CDH13: variants seen among roughly 807,000 people sequenced by gnomAD.
CDH13 encodes cadherin 13, also known as cadherin-13.
A neutral mutation model predicts 63.8 loss-of-function variants in CDH13; 24 were observed. The observed-to-expected ratio is 0.38, with a 90% CI of 0.27 to 0.53. The LOEUF is 0.53. CDH13 is among the 20% of genes least tolerant of loss of function. The probability of loss-of-function intolerance (pLI) is 0.85; values close to 1 mark genes in which losing one functional copy is unlikely to be tolerated. For synonymous variants in CDH13, 503 were observed against 355.3 expected (o/e 1.42, Z -4.67); for missense variants, 1,049 against 903.1 (o/e 1.16, Z -2.07).
chr16:82,930,931 A>C (rs186408879), intron 2 of CDH13, among the ~76,000 whole-genome samples: 1 of 152,156 alleles, frequency 6.6e-6, no homozygotes. Context: ...GCAGACTCTA[A>C]TGTTCGACTT....
intron 1 of CDH13, among the ~76,000 whole-genome samples, chr16:82,817,652 A>T (rs1473831999): frequency 6.6e-6 from 1 of 152,092 alleles, no homozygotes; most frequent in Non-Finnish European, 1.5e-5. Context: ...AAAAATACAA[A>T]AAAACAGCCA....
rs1393893932 is a variant in CDH13, at chr16:83,797,743, C to G, written c.*2713C>G. Reference sequence around the variant, plus strand: ...GACCAGAAATTGCTTTTCCCAATTACTGAGCACAGGTCTGAGGGTTTTATT... The same window carrying G: ...GACCAGAAATTGCTTTTCCCAATTAGTGAGCACAGGTCTGAGGGTTTTATT... On this transcript the variant is annotated 3_prime_UTR_variant, in exon 14 of 14. Coordinates refer to ENST00000567109, the MANE Select transcript of CDH13 (RefSeq NM_001257.5). 1 of 152,198 alleles carries G rather than the reference C, an allele frequency of 6.6e-6. No individual in the cohort carries two copies. Among genetic ancestry groups the G allele is most frequent in the Non-Finnish European group, 1.5e-5 (1 of 68,040 alleles). The allele number at this position is 152,198 out of a possible 1,614,324, so 9.4% of individuals were successfully genotyped here. A position where few individuals can be genotyped will look rare whatever the true frequency, so the allele number is the denominator to read the frequency against.
At chr16:82,896,453 C>T (rs764668701) in intron 2 of CDH13, among the ~76,000 whole-genome samples, 9 of 151,680 alleles carry the variant, frequency 5.9e-5, no homozygotes, top group African/African-American at 2.2e-4. Flanking sequence ...CCCACTATGC[C>T]TGGGTAATTT....
At chr16:83,051,137 A>G (rs1262929684) in intron 3 of CDH13, among the ~76,000 whole-genome samples, 1 of 152,198 alleles carries the variant, frequency 6.6e-6, no homozygotes, top group Non-Finnish European at 1.5e-5. Context: ...CTGTGATCAT[A>G]TCATGCCCTC....
Position 83,337,621 on chromosome 16 carries a change from A to ATTTTTTTTTTTTT in CDH13, c.637-7224_637-7212dup, listed in dbSNP as rs66957563. ...ATTTGAGAATTAAATTGACAAGCGT[A>ATTTTTTTTTTTTT]TTTTTTTTTTTTTTTTTTTTTTTTT... On this transcript the variant is annotated intron_variant, in intron 5 of 13. Transcript: ENST00000567109. Among the ~76,000 whole-genome samples, 20 of 52,282 alleles carry ATTTTTTTTTTTTT rather than the reference A, an allele frequency of 3.8e-4. 3 individuals are homozygous for ATTTTTTTTTTTTT. The highest frequency in any genetic ancestry group is 9.0e-4 in the African/African-American group (11 of 12,166). The allele number at this position is 52,282 out of a possible 152,430, so 34.3% of individuals were successfully genotyped here.
At chr16:82,903,409 A>G (rs1368978156) in intron 2 of CDH13, among the ~76,000 whole-genome samples, 3 of 152,182 alleles carry the variant, frequency 2.0e-5, no homozygotes, top group Non-Finnish European at 2.9e-5. Flanking sequence ...GCCTACCCGC[A>G]GTGGACTTGC....
At chr16:82,653,916 A>G (rs181024466) in intron 1 of CDH13, among the ~76,000 whole-genome samples, 76 of 152,246 alleles carry the variant, frequency 5.0e-4, no homozygotes, top group Non-Finnish European at 2.8e-4. Context: ...TACCACAGAG[A>G]TCATGAGATA....
chr16:83,636,026 A>T (rs1402204955), intron 8 of CDH13, among the ~76,000 whole-genome samples: 1 of 151,978 alleles, frequency 6.6e-6, no homozygotes. Context: ...CTGCCAGTGG[A>T]CACACAGTTG....
At chr16:83,239,113 C>CCCCT in intron 5 of CDH13, among the ~76,000 whole-genome samples, 1 of 152,170 alleles carries the variant, frequency 6.6e-6, no homozygotes, top group Non-Finnish European at 1.5e-5. Flanking sequence ...CTAAATATAG[C>CCCCT]GCCTGTCTTG....
rs1008609365 is a variant in CDH13 at position 83,070,966 on chromosome 16, C to T, written c.366+38748C>T. Among the ~76,000 whole-genome samples, 4 of 151,002 alleles carry T rather than the reference C, an allele frequency of 2.6e-5. 1 individual carries two copies. In the East Asian group the frequency reaches 7.9e-4, roughly 30 times the overall value. On this transcript the variant is annotated intron_variant, in intron 3 of 13. Transcript: ENST00000567109. ...AGTTATGCTTCACGCAGTCATGCCA[C>T]ATGAGGTCATGATAGCACCGTCTTA...
intron 3 of CDH13, among the ~76,000 whole-genome samples, chr16:83,069,159 T>G (rs1009305623): frequency 2.6e-5 from 4 of 152,206 alleles, no homozygotes; most frequent in Non-Finnish European, 4.4e-5. Context: ...TGTTTGCATC[T>G]TGAATTATTT....
At chr16:83,039,326 TC>T (rs1271531262) in intron 3 of CDH13, among the ~76,000 whole-genome samples, 1 of 152,194 alleles carries the variant, frequency 6.6e-6, no homozygotes, top group African/African-American at 2.4e-5. Context: ...CTGACTGATC[TC>T]TGCAGCCTTC....
chr16:82,776,365 G>C (rs1342927557), intron 1 of CDH13, among the ~76,000 whole-genome samples: 1 of 152,120 alleles, frequency 6.6e-6, no homozygotes, highest in Non-Finnish European at 1.5e-5. Flanking sequence ...AGACTATCAA[G>C]GCCTGCATGC....
At chr16:82,781,454 C>T (rs2035749848) in intron 1 of CDH13, among the ~76,000 whole-genome samples, 1 of 152,026 alleles carries the variant, frequency 6.6e-6, no homozygotes, top group African/African-American at 2.4e-5. Context: ...GGTCATTCTC[C>T]ATCCATTTGT....
chr16:83,388,962 A>G (rs2091732095), intron 6 of CDH13, among the ~76,000 whole-genome samples: 1 of 152,190 alleles, frequency 6.6e-6, no homozygotes, highest in African/African-American at 2.4e-5. Flanking sequence ...TTGGCTGATG[A>G]TAGGAATGAC....
chr16:83,142,132 C>G (rs537555745), intron 4 of CDH13, among the ~76,000 whole-genome samples: 2 of 151,324 alleles, frequency 1.3e-5, no homozygotes, highest in African/African-American at 4.9e-5. Flanking sequence ...TGTCCCTGTG[C>G]CTGAACCATT....
intron 1 of CDH13, among the ~76,000 whole-genome samples, chr16:82,800,838 T>A (rs1247475826): frequency 1.3e-5 from 2 of 152,226 alleles, no homozygotes; most frequent in Non-Finnish European, 2.9e-5. Context: ...TTGAGTTTGG[T>A]TATTTTACTC....
rs1255775685 is a variant in CDH13, at chr16:82,860,389, G to T, written c.157+1916G>T. On this transcript the variant is annotated intron_variant, in intron 2 of 13. Coordinates refer to ENST00000567109, the MANE Select transcript of CDH13 (RefSeq NM_001257.5). ...GTATCACAGTTGTGTGTGTGTGTGT[G>T]GGGGGGGGGGCGGCGGTGTGCGTGT... 9.6e-5 allele frequency among the ~76,000 whole-genome samples: 4 copies of T among 41,630 alleles called. No individual in the cohort carries two copies. The South Asian group carries it at 3.0e-3, about 31-fold the overall frequency. The allele number at this position is 41,630 out of a possible 152,430, so 27.3% of individuals were successfully genotyped here. A position where few individuals can be genotyped will look rare whatever the true frequency, so the allele number is the denominator to read the frequency against.
chr16:83,030,988 A>G (rs1916256340), intron 2 of CDH13, among the ~76,000 whole-genome samples: 1 of 151,680 alleles, frequency 6.6e-6, no homozygotes, highest in Non-Finnish European at 1.5e-5. Context: ...TAAATTAAGG[A>G]GCTGTTTTCA....
Sources: gnomAD v4.1 joint callset for allele counts (sites outside exome capture counted in the v4.1 genomes callset) on GRCh38, gnomAD v4.1.1 for gene constraint, MANE v1.5 for transcripts, NCBI Gene and HGNC (gene_info 2026-07-23, HGNC 2026-07-21) for gene names.